Variants in ACER3 observed in about 807,000 individuals in gnomAD.
ACER3 encodes alkaline ceramidase 3.
ACER3 carries 16 observed loss-of-function variants against 48.9 expected under a neutral mutation model. The observed-to-expected ratio is 0.33, with a 90% confidence interval of 0.22 to 0.50. The LOEUF is 0.50. Ranked by LOEUF, ACER3 falls within the 20% of genes least tolerant of loss-of-function variation. The probability of loss-of-function intolerance (pLI) is 0.98; values close to 1 mark genes in which losing one functional copy is unlikely to be tolerated. For missense variants in ACER3, 227 were observed against 326.0 expected (o/e 0.70, Z 2.34); for synonymous variants, 109 against 107.8 (o/e 1.01, Z -0.07).
chr11:76,872,704 AGTTTCTAATG>A (rs1305427852), intron 1 of ACER3, among the ~76,000 whole-genome samples: 1 of 152,138 alleles, frequency 6.6e-6, no homozygotes, highest in Non-Finnish European at 1.5e-5. Flanking sequence ...CCAAACAAAA[AGTTTCTAATG>A]AACTGTTTTA....
intron 1 of ACER3, among the ~76,000 whole-genome samples, chr11:76,924,744 A>C (rs116603713): frequency 1.3e-5 from 2 of 152,120 alleles, no homozygotes; most frequent in South Asian, 4.1e-4. Flanking sequence ...CAATATGGCT[A>C]TGTAAATAAT....
chr11:76,958,129 C>T (rs1165654563), intron 2 of ACER3, among the ~76,000 whole-genome samples: 2 of 150,414 alleles, frequency 1.3e-5, no homozygotes, highest in Non-Finnish European at 3.0e-5. Context: ...CTATTTTTCC[C>T]AGTCTGTAAC....
chr11:76,867,847 C>T (rs1278893453), intron 1 of ACER3, among the ~76,000 whole-genome samples: 1 of 152,120 alleles, frequency 6.6e-6, no homozygotes, highest in Non-Finnish European at 1.5e-5. Flanking sequence ...GAGAATGGTT[C>T]AAGCTAGGTA....
chr11:76,982,240 CAG>C (rs1215660050), intron 4 of ACER3, among the ~76,000 whole-genome samples: 1 of 134,592 alleles, frequency 7.4e-6, no homozygotes, highest in Non-Finnish European at 1.5e-5. Flanking sequence ...TTTTTTGAGA[CAG>C]AGTCTCGCTC....
intron 3 of ACER3, among the ~76,000 whole-genome samples, chr11:76,972,937 G>T (rs75320312): frequency 0.025 from 3,797 of 152,338 alleles, 143 homozygotes; most frequent in African/African-American, 0.083. Context: ...GTGTGTGTGG[G>T]ACCCCCAAGG....
chr11:76,940,266 G>A (rs989526006), intron 2 of ACER3, among the ~76,000 whole-genome samples: 2 of 151,960 alleles, frequency 1.3e-5, no homozygotes, highest in Non-Finnish European at 2.9e-5. Flanking sequence ...TTACAGGCAT[G>A]AGCCACCGCA....
rs950169122 is a variant in ACER3 at position 76,923,209 on chromosome 11, C to G, written c.104-3348C>G. Among the ~76,000 whole-genome samples, 10 of 151,700 alleles carry G rather than the reference C, an allele frequency of 6.6e-5. No homozygotes were observed. The East Asian group carries it at 1.9e-3, about 29-fold the overall frequency. ...AATTGAGATACAAAACAGACTGCAC[C>G]TATTTAAAGTGTACAAATTAAAATT... On this transcript the variant is annotated intron_variant, in intron 1 of 10. Transcript: ENST00000532485.
chr11:76,958,096 T>C (rs989913798), intron 2 of ACER3, among the ~76,000 whole-genome samples: 2 of 148,542 alleles, frequency 1.3e-5, no homozygotes, highest in African/African-American at 5.0e-5. Flanking sequence ...GTGCCCTGCC[T>C]ACAGAATCTT....
intron 1 of ACER3, among the ~76,000 whole-genome samples, chr11:76,870,305 T>G (rs184077705): frequency 3.6e-4 from 54 of 151,696 alleles, no homozygotes; most frequent in African/African-American, 1.2e-3. Context: ...TGTCTATTTT[T>G]TTTATTTTTG....
intron 4 of ACER3, among the ~76,000 whole-genome samples, chr11:76,977,463 A>C (rs901880551): frequency 6.6e-6 from 1 of 152,200 alleles, no homozygotes; most frequent in African/African-American, 2.4e-5. Flanking sequence ...GCTCTAGCTA[A>C]GTCACTGGGA....
chr11:76,960,077 A>T (rs1947947956), intron 3 of ACER3, among the ~76,000 whole-genome samples: 1 of 152,142 alleles, frequency 6.6e-6, no homozygotes, highest in East Asian at 1.9e-4. Context: ...TCTAGTAGCT[A>T]CATTGAAAAA....
At chr11:76,983,955 T>C (rs1318981317) in intron 4 of ACER3, among the ~76,000 whole-genome samples, 1 of 152,010 alleles carries the variant, frequency 6.6e-6, no homozygotes, top group Non-Finnish European at 1.5e-5. Context: ...CAACGACTAA[T>C]TTTTTTGTAT....
Position 77,016,667 on chromosome 11 carries a change from C to T in ACER3, c.600-8C>T. On this transcript the variant is annotated splice_polypyrimidine_tract_variant and splice_region_variant and intron_variant, in intron 8 of 10. Coordinates refer to ENST00000532485, the MANE Select transcript of ACER3 (RefSeq NM_018367.7). ...ATTTAACGTGATTTTCTCCCTCTCT[C>T]CACACAGGAACTTTCGAAAGAAGGT... 1 of 1,484,664 alleles carries T rather than the reference C, an allele frequency of 6.7e-7. No individual in the cohort carries two copies. The highest frequency in any genetic ancestry group is 9.2e-7 in the Non-Finnish European group (1 of 1,081,344). 92.0% of individuals were successfully genotyped at this position (1,484,664 alleles called of 1,614,324 possible).
chr11:76,964,647 C>T (rs528395373), intron 3 of ACER3, among the ~76,000 whole-genome samples: 3 of 151,366 alleles, frequency 2.0e-5, no homozygotes, highest in East Asian at 1.9e-4. Flanking sequence ...GCAGCATTTG[C>T]GGTTCACCAA....
intron 1 of ACER3, among the ~76,000 whole-genome samples, chr11:76,894,363 C>T (rs996720652): frequency 6.6e-6 from 1 of 152,140 alleles, no homozygotes; most frequent in Non-Finnish European, 1.5e-5. Flanking sequence ...CAATAAGCCT[C>T]GTCAGGATTC....
chr11:76,945,850 G>A (rs1266260689), intron 2 of ACER3, among the ~76,000 whole-genome samples: 1 of 152,218 alleles, frequency 6.6e-6, no homozygotes, highest in Non-Finnish European at 1.5e-5. Flanking sequence ...TAGTAGCTGT[G>A]ATGGGTTGGG....
chr11:77,015,010 C>T lies in ACER3; in HGVS notation c.498-6C>T. On this transcript the variant is annotated splice_polypyrimidine_tract_variant and splice_region_variant and intron_variant, in intron 7 of 10. Coordinates refer to ENST00000532485, the MANE Select transcript of ACER3 (RefSeq NM_018367.7). ...TTATTTTGCTTTTCTGTTTTCCCCC[C>T]CACAGGGTTTATCCATGGCTTAGAG... is the stretch of plus-strand genomic sequence containing the variant. 1 of 1,545,238 alleles carries T rather than the reference C, an allele frequency of 6.5e-7. No individual in the cohort carries two copies.
intron 2 of ACER3, among the ~76,000 whole-genome samples, chr11:76,936,550 TA>T (rs1001581512): frequency 7.2e-5 from 11 of 151,800 alleles, no homozygotes; most frequent in African/African-American, 2.2e-4. Flanking sequence ...TTATGTAAAA[TA>T]AAAAAAACTT....
At chr11:76,865,657 C>T (rs1945063552) in intron 1 of ACER3, among the ~76,000 whole-genome samples, 1 of 151,324 alleles carries the variant, frequency 6.6e-6, no homozygotes, top group Non-Finnish European at 1.5e-5. Flanking sequence ...TACAGGAGTG[C>T]ACCACCATGC....
Sources: gnomAD v4.1 joint callset for allele counts (sites outside exome capture counted in the v4.1 genomes callset) on GRCh38, gnomAD v4.1.1 for gene constraint, MANE v1.5 for transcripts, NCBI Gene and HGNC (gene_info 2026-07-23, HGNC 2026-07-21) for gene names.